The following GPHN variants were observed in gnomAD, a reference collection of about 807,000 sequenced individuals.
GPHN encodes gephyrin.
In GPHN, 17 loss-of-function variants were observed where a neutral mutation model predicts 95.5. That is an observed-to-expected ratio of 0.18 (90% confidence interval 0.12 to 0.27). The LOEUF is 0.27. GPHN is among the 10% of genes least tolerant of loss of function. GPHN has a pLI of 1.00. For synonymous variants in GPHN, 320 were observed against 322.5 expected, an observed-to-expected ratio of 0.99 and a Z score of 0.08; for missense variants, 660 against 978.1, an observed-to-expected ratio of 0.67 and a Z score of 4.34.
the GPHN span, among the ~76,000 whole-genome samples, chr14:67,267,764 C>T: frequency 6.6e-6 from 1 of 152,064 alleles, no homozygotes; most frequent in Non-Finnish European, 1.5e-5. Context: ...AATCTGTTTC[C>T]ATCTCCAGGA....
At chr14:66,743,762 A>AC (rs1252110334) in intron 2 of GPHN, among the ~76,000 whole-genome samples, 11 of 152,148 alleles carry the variant, frequency 7.2e-5, no homozygotes, top group Non-Finnish European at 1.5e-4. Context: ...AACAACAACA[A>AC]AAAAACTCTT....
At chr14:66,664,300 CAATCA>C (rs1430740429) in intron 1 of GPHN, among the ~76,000 whole-genome samples, 2 of 152,166 alleles carry the variant, frequency 1.3e-5, no homozygotes, top group African/African-American at 4.8e-5. Context: ...GACCAGAGCA[CAATCA>C]AATTAGAACT....
chr14:67,217,137 C>T, the GPHN span, among the ~76,000 whole-genome samples: 425 of 151,740 alleles, frequency 2.8e-3, 2 homozygotes, highest in African/African-American at 9.8e-3. Flanking sequence ...TAAATTGATC[C>T]GTTTATAACT....
At chr14:67,581,040 T>C in the GPHN span, 1 of 1,590,472 alleles carries the variant, frequency 6.3e-7, no homozygotes, top group Non-Finnish European at 8.6e-7. Flanking sequence ...CAAGAACAGG[T>C]CCTAAGCACT....
chr14:67,127,553 T>C (rs2153695314), intron 17 of GPHN, among the ~76,000 whole-genome samples: 1 of 152,310 alleles, frequency 6.6e-6, no homozygotes, highest in Non-Finnish European at 1.5e-5. Flanking sequence ...ATGTTGATTA[T>C]ACTTTAACAA....
chr14:67,579,181 G>A, the GPHN span: 38 of 1,609,270 alleles, frequency 2.4e-5, no homozygotes, highest in Admixed American at 5.1e-5. Flanking sequence ...GCAGTGGAGC[G>A]GACCCTGCGG....
At chr14:67,670,607 C>A in the GPHN span, among the ~76,000 whole-genome samples, 3 of 152,018 alleles carry the variant, frequency 2.0e-5, no homozygotes, top group Non-Finnish European at 4.4e-5. Flanking sequence ...CTGTCGCCTG[C>A]AATCTCTGCC....
the GPHN span, chr14:67,201,533 G>A: frequency 2.2e-6 from 1 of 455,826 alleles, no homozygotes; most frequent in East Asian, 6.9e-5. Context: ...GTGGCTCTGA[G>A]AAACGTTTTC....
chr14:67,108,713 GT>G (rs1204128693), intron 13 of GPHN, among the ~76,000 whole-genome samples: 2 of 5,956 alleles, frequency 3.4e-4, no homozygotes, highest in African/African-American at 6.2e-4. Flanking sequence ...TCCCTAAGGG[GT>G]GTGTGTGTGT....
the GPHN span, chr14:67,725,383 CCAG>C: frequency 2.1e-6 from 2 of 953,716 alleles, no homozygotes; most frequent in Non-Finnish European, 3.3e-6. Flanking sequence ...GCCACATGAA[CCAG>C]CAGGACAGGG....
the GPHN span, among the ~76,000 whole-genome samples, chr14:67,309,534 C>A: frequency 2.6e-5 from 4 of 152,206 alleles, no homozygotes; most frequent in East Asian, 7.7e-4. Flanking sequence ...CCAGCCTACA[C>A]AAAGAGGGGC....
chr14:67,266,337 AT>A, the GPHN span, among the ~76,000 whole-genome samples: 25,186 of 151,098 alleles, frequency 0.17, 4,025 homozygotes, highest in East Asian at 0.43. Flanking sequence ...AAATATTTCA[AT>A]TTTTTTTTGA....
chr14:67,543,952 G>A, the GPHN span, among the ~76,000 whole-genome samples: 1 of 152,098 alleles, frequency 6.6e-6, no homozygotes, highest in Non-Finnish European at 1.5e-5. Context: ...AGGGGCAGGT[G>A]GTGTGTGACT....
intron 2 of GPHN, among the ~76,000 whole-genome samples, chr14:66,682,859 A>G (rs1487751558): frequency 1.3e-5 from 2 of 152,220 alleles, no homozygotes; most frequent in African/African-American, 4.8e-5. Context: ...ATGAACTCCA[A>G]TTATATAAAA....
At chr14:67,571,597 G>A in the GPHN span, 2 of 662,448 alleles carry the variant, frequency 3.0e-6, no homozygotes, top group Non-Finnish European at 5.3e-6. Context: ...CAGGAGTGAG[G>A]CCAGGAGGGA....
the GPHN span, among the ~76,000 whole-genome samples, chr14:67,465,894 A>G: frequency 6.6e-6 from 1 of 152,238 alleles, no homozygotes; most frequent in Admixed American, 6.5e-5. Context: ...ACAGTGGCAG[A>G]AATGGGAGTG....
At chr14:67,589,590 A>G in the GPHN span, 1 of 985,884 alleles carries the variant, frequency 1.0e-6, no homozygotes, top group Non-Finnish European at 1.2e-6. Flanking sequence ...AGCCCTGTAC[A>G]GAACACAGGC....
chr14:67,661,891 C>G, the GPHN span, among the ~76,000 whole-genome samples: 24 of 152,180 alleles, frequency 1.6e-4, no homozygotes, highest in East Asian at 4.6e-3. Flanking sequence ...CACGGTGGCT[C>G]ATGCCTTGTA....
chr14:66,519,253 C>T (rs1034027837), intron 1 of GPHN, among the ~76,000 whole-genome samples: 7 of 151,862 alleles, frequency 4.6e-5, no homozygotes, highest in African/African-American at 7.2e-5. Context: ...AGGTAAAATG[C>T]GAAATTAAGC....
Sources: allele counts gnomAD v4.1 joint callset (sites outside exome capture counted in the v4.1 genomes callset), GRCh38; gene constraint gnomAD v4.1.1; transcripts MANE v1.5; gene names NCBI Gene and HGNC (gene_info 2026-07-23, HGNC 2026-07-21).